ZNF609: variants seen among roughly 807,000 people sequenced by gnomAD.
ZNF609 encodes zinc finger protein 609.
A neutral mutation model predicts 109.5 loss-of-function variants in ZNF609; 11 were observed. The ratio of observed to expected loss-of-function variants is 0.10; its 90% CI spans 0.06 to 0.17. The LOEUF (loss-of-function observed/expected upper bound fraction) is 0.17, where lower values mean the gene tolerates loss of function less well. Among genes scored for constraint, ZNF609 ranks in the 10% least tolerant of loss-of-function variants. ZNF609 has a pLI of 1.00. For missense variants in ZNF609, 1,559 were observed against 1,772.4 expected (o/e 0.88, Z 2.16); for synonymous variants, 646 against 662.0 (o/e 0.98, Z 0.37).
chr15:64,675,008 C>T lies in ZNF609; in HGVS notation c.2154C>T (p.Asn718=), dbSNP rs766230590. ...PTVMGEPFTV[N]PALTPAKDKK... is the part of the protein sequence containing the mutation. ...TTATGGGAGAACCTTTCACAGTCAA[C>T]CCTGCCTTGACTCCAGCCAAGGACA... Residue 718 remains asparagine, a synonymous_variant, in exon 5 of 10, where the codon AAC becomes AAT. Transcript: ENST00000326648. 1 of 1,614,024 alleles carries T rather than the reference C, an allele frequency of 6.2e-7. No individual in the cohort carries two copies. Among genetic ancestry groups the T allele is most frequent in the Non-Finnish European group, 8.5e-7 (1 of 1,180,016 alleles).
chr15:64,520,768 A>G (rs562725834), intron 2 of ZNF609, among the ~76,000 whole-genome samples: 55 of 152,288 alleles, frequency 3.6e-4, no homozygotes, highest in East Asian at 3.9e-4. Flanking sequence ...TTCAATTCCT[A>G]GCTGTTAGGA....
At chr15:64,563,213 G>A (rs1894708919) in intron 2 of ZNF609, among the ~76,000 whole-genome samples, 1 of 151,886 alleles carries the variant, frequency 6.6e-6, no homozygotes, top group Admixed American at 6.6e-5. Flanking sequence ...ACTTTGGGAG[G>A]CCAAGGTAGG....
rs1220577381 is a variant in ZNF609 at position 64,471,932 on chromosome 15, A to G, written c.-128+11094A>G. 3.3e-5 allele frequency among the ~76,000 whole-genome samples: 5 copies of G among 150,336 alleles called. No homozygotes were observed. The East Asian group carries it at 9.8e-4, about 29-fold the overall frequency. On this transcript the variant is annotated intron_variant, in intron 1 of 9. Coordinates refer to ENST00000326648, the MANE Select transcript of ZNF609 (RefSeq NM_015042.2). ...TTTGTTTTTGTTTTGTTTGTTTGAG[A>G]TGGAGTCTTGCTCTGTCACCCAGGC...
At chr15:64,599,692 A>G (rs1895462719) in intron 2 of ZNF609, among the ~76,000 whole-genome samples, 1 of 152,076 alleles carries the variant, frequency 6.6e-6, no homozygotes, top group Non-Finnish European at 1.5e-5. Context: ...TACAGATACA[A>G]TAACATCATA....
At position 64,680,661 on chromosome 15, in the gene ZNF609, TCTC is replaced by T; in HGVS notation, c.3962_3964del (p.Ser1321_Gln1322delinsTer). On this transcript the variant is annotated stop_gained and inframe_deletion, in exon 8 of 10. Transcript: ENST00000326648. LOFTEE classifies it high-confidence loss of function. ...TCCTTTCCAGATAAGTGATAAAACT[TCTC>T]AGGAGAGAGATCGAGGAGGCTGTGG... is the stretch of plus-strand genomic sequence containing the variant. 1 of 1,585,992 alleles carries T rather than the reference TCTC, an allele frequency of 6.3e-7. No individual in the cohort carries two copies. The highest frequency in any genetic ancestry group is 8.6e-7 in the Non-Finnish European group (1 of 1,162,260).
intron 2 of ZNF609, among the ~76,000 whole-genome samples, chr15:64,515,465 G>A (rs369570757): frequency 1.3e-5 from 2 of 152,150 alleles, no homozygotes; most frequent in East Asian, 3.8e-4. Flanking sequence ...AAGCAGTTTG[G>A]CCAGGGCAAA....
chr15:64,475,886 TA>T (rs1359198548), intron 1 of ZNF609, among the ~76,000 whole-genome samples: 1 of 152,246 alleles, frequency 6.6e-6, no homozygotes, highest in Non-Finnish European at 1.5e-5. Flanking sequence ...GTGATTTTTT[TA>T]GACTTCTTTT....
chr15:64,624,824 A>C (rs974586247), intron 3 of ZNF609, among the ~76,000 whole-genome samples: 3 of 144,844 alleles, frequency 2.1e-5, no homozygotes, highest in Non-Finnish European at 4.5e-5. Context: ...CAGTGGTGCG[A>C]TCTTGGCTCA....
At position 64,675,782 on chromosome 15, in the gene ZNF609, G is replaced by C; in HGVS notation, c.2928G>C (p.Gln976His). The change falls in exon 5 of 10, where the codon CAG becomes CAC. Residue 976 changes from glutamine to histidine, a missense_variant. Physicochemically the swap from Gln to His is conservative, Grantham distance 24. Coordinates refer to ENST00000326648, the MANE Select transcript of ZNF609 (RefSeq NM_015042.2). ...NMYMQSLYYN[Q>H]YAYVPPYGYS... is the part of the protein sequence containing the mutation. ...ACATGCAGTCCCTGTACTACAACCA[G>C]TATGCCTATGTACCCCCCTATGGCT... 6.2e-7 allele frequency: 1 copy of C among 1,614,228 alleles called. No individual in the cohort carries two copies. Among genetic ancestry groups the C allele is most frequent in the Non-Finnish European group, 8.5e-7 (1 of 1,180,044 alleles).
chr15:64,529,357 T>C (rs1197595809), intron 2 of ZNF609: 1 of 730,516 alleles, frequency 1.4e-6, no homozygotes, highest in South Asian at 1.3e-5. Flanking sequence ...GCCTTCTCCA[T>C]GGTGGTGAAG....
At chr15:64,511,481 C>CAA (rs796464007) in intron 2 of ZNF609, among the ~76,000 whole-genome samples, 2,080 of 65,108 alleles carry the variant, frequency 0.032, 68 homozygotes, top group African/African-American at 0.093. Flanking sequence ...AACTTTGTCT[C>CAA]AAAAAAAAAA....
intron 1 of ZNF609, among the ~76,000 whole-genome samples, chr15:64,487,278 T>C (rs1174038929): frequency 6.6e-6 from 1 of 152,208 alleles, no homozygotes; most frequent in African/African-American, 2.4e-5. Context: ...GCCTAATCTG[T>C]GGTGATTAAT....
At chr15:64,581,229 G>C (rs1048072500) in intron 2 of ZNF609, among the ~76,000 whole-genome samples, 1 of 151,970 alleles carries the variant, frequency 6.6e-6, no homozygotes, top group Non-Finnish European at 1.5e-5. Flanking sequence ...AAGGTCAACC[G>C]GAGGTGAGAG....
chr15:64,478,155 G>GGTGT (rs149241970), intron 1 of ZNF609, among the ~76,000 whole-genome samples: 34,476 of 137,974 alleles, frequency 0.25, 4,968 homozygotes, highest in Admixed American at 0.39. Flanking sequence ...TTAGAATAAA[G>GGTGT]GTGTGTGTGT....
intron 2 of ZNF609, among the ~76,000 whole-genome samples, chr15:64,609,927 C>A (rs112938992): frequency 2.0e-5 from 3 of 151,978 alleles, no homozygotes; most frequent in South Asian, 2.1e-4. Context: ...GCTCGGGAGG[C>A]TGAGGCATGA....
At chr15:64,670,608 G>T (rs1260067095) in intron 4 of ZNF609, among the ~76,000 whole-genome samples, 175 bp downstream of exon 4, 1 of 152,206 alleles carries the variant, frequency 6.6e-6, no homozygotes. Context: ...GCCAGGCGCG[G>T]TGGCTCACGC....
At position 64,684,347 on chromosome 15, in the gene ZNF609, G is replaced by A. The variant is rs983136914; in HGVS notation, c.*2661G>A. 7.2e-5 allele frequency: 11 copies of A among 152,362 alleles called. No individual in the cohort carries two copies. Among genetic ancestry groups the A allele is most frequent in the African/African-American group, 2.7e-4 (11 of 41,436 alleles). 9.4% of individuals were successfully genotyped at this position (152,362 alleles called of 1,614,324 possible). On this transcript the variant is annotated 3_prime_UTR_variant, in exon 10 of 10. Coordinates refer to ENST00000326648, the MANE Select transcript of ZNF609 (RefSeq NM_015042.2). ...AGACCACCAGACCAAGCCTGTTTAT[G>A]AGCCACCCCTGCCCAGGCCCTCACA...
chr15:64,651,227 A>C (rs1002472958), intron 3 of ZNF609, among the ~76,000 whole-genome samples: 1 of 152,302 alleles, frequency 6.6e-6, no homozygotes, highest in Middle Eastern at 3.4e-3. Context: ...TGTAGTCCCA[A>C]GTAGGCAGCT....
intron 2 of ZNF609, among the ~76,000 whole-genome samples, chr15:64,603,422 C>T (rs1011877628): frequency 6.6e-5 from 10 of 151,856 alleles, no homozygotes; most frequent in African/African-American, 2.4e-4. Flanking sequence ...CAGGCTCCCA[C>T]CACACCTGGC....
Sources: allele counts gnomAD v4.1 joint callset (sites outside exome capture counted in the v4.1 genomes callset), GRCh38; gene constraint gnomAD v4.1.1; transcripts MANE v1.5; gene names NCBI Gene and HGNC (gene_info 2026-07-23, HGNC 2026-07-21).